Variants in TBC1D5 observed in about 807,000 individuals in gnomAD.
TBC1D5 encodes the protein TBC1 domain family member 5, also known as TBC1 domain family, member 5.
TBC1D5 carries 75 observed loss-of-function variants against 100.3 expected under a neutral mutation model. The observed-to-expected ratio is 0.75, with a 90% confidence interval of 0.62 to 0.91. The LOEUF is 0.91. Ranked by LOEUF, TBC1D5 falls within the 40% of genes least tolerant of loss-of-function variation. The pLI, the probability that TBC1D5 is intolerant of heterozygous loss-of-function variation, is 0.00. For missense variants in TBC1D5, 910 were observed against 942.4 expected, an observed-to-expected ratio of 0.97 and a Z score of 0.45; for synonymous variants, 323 against 325.6, an observed-to-expected ratio of 0.99 and a Z score of 0.09.
intron 13 of TBC1D5, among the ~76,000 whole-genome samples, chr3:17,358,871 T>C (rs2091461275): frequency 6.6e-6 from 1 of 151,910 alleles, no homozygotes; most frequent in African/African-American, 2.4e-5. Context: ...GTATAAAAAA[T>C]CTATAAAAAA....
At chr3:17,708,345 CATTTT>C (rs2074383160) in intron 1 of TBC1D5, among the ~76,000 whole-genome samples, 1 of 152,182 alleles carries the variant, frequency 6.6e-6, no homozygotes, top group Non-Finnish European at 1.5e-5. Context: ...ATGCATAGCA[CATTTT>C]ATTTATCCAT....
At chr3:17,525,248 GC>G (rs1214741906) in intron 2 of TBC1D5, among the ~76,000 whole-genome samples, 2 of 152,002 alleles carry the variant, frequency 1.3e-5, no homozygotes, top group Non-Finnish European at 2.9e-5. Context: ...TCCTGCCTCA[GC>G]CTCCCAAGTA....
chr3:17,222,193 A>G (rs751227775), intron 17 of TBC1D5, among the ~76,000 whole-genome samples: 9 of 152,004 alleles, frequency 5.9e-5, no homozygotes, highest in Non-Finnish European at 1.0e-4. Flanking sequence ...CCTGAGTTGT[A>G]TGTTTAGATA....
At chr3:17,611,687 G>T (rs956447971) in intron 2 of TBC1D5, among the ~76,000 whole-genome samples, 8 of 152,154 alleles carry the variant, frequency 5.3e-5, no homozygotes, top group Non-Finnish European at 1.0e-4. Context: ...AGAGTGGAGT[G>T]CTATCCTATA....
chr3:17,455,338 ATG>A (rs1181033850), intron 3 of TBC1D5, among the ~76,000 whole-genome samples: 4 of 144,522 alleles, frequency 2.8e-5, no homozygotes, highest in African/African-American at 1.0e-4. Flanking sequence ...ATATATGTAT[ATG>A]TATATATGTA....
At chr3:17,260,784 GAAAAT>G (rs939285911) in intron 15 of TBC1D5, among the ~76,000 whole-genome samples, 1 of 152,008 alleles carries the variant, frequency 6.6e-6, no homozygotes, top group Non-Finnish European at 1.5e-5. Flanking sequence ...ATTTAAAAAA[GAAAAT>G]AAAAAGGAAA....
intron 4 of TBC1D5, 128 bp downstream of exon 4, chr3:17,428,322 G>C (rs1179804290): frequency 3.8e-6 from 1 of 264,266 alleles, no homozygotes; most frequent in Non-Finnish European, 7.0e-6. Context: ...TAAAACACAA[G>C]TAGTGGTTCC....
At chr3:17,250,387 G>C (rs961749143) in intron 16 of TBC1D5, among the ~76,000 whole-genome samples, 4 of 152,108 alleles carry the variant, frequency 2.6e-5, no homozygotes, top group Non-Finnish European at 4.4e-5. Context: ...CCACCATTCA[G>C]AGCCCTTTGG....
intron 13 of TBC1D5, among the ~76,000 whole-genome samples, chr3:17,363,845 T>C (rs2091917030): frequency 6.6e-6 from 1 of 152,024 alleles, no homozygotes; most frequent in Non-Finnish European, 1.5e-5. Flanking sequence ...TTTAGGACTC[T>C]ATATATAAAA....
At chr3:17,214,769 A>G (rs2073423037) in intron 17 of TBC1D5, among the ~76,000 whole-genome samples, 1 of 152,180 alleles carries the variant, frequency 6.6e-6, no homozygotes, top group Non-Finnish European at 1.5e-5. Context: ...GCAAGATTAA[A>G]AAATCCAAAT....
intron 3 of TBC1D5, among the ~76,000 whole-genome samples, chr3:17,442,812 G>A (rs1003752279): frequency 1.3e-5 from 2 of 152,092 alleles, no homozygotes; most frequent in African/African-American, 2.4e-5. Context: ...CAGAAACTGT[G>A]GTCTGAACTT....
intron 18 of TBC1D5, among the ~76,000 whole-genome samples, chr3:17,188,030 C>T (rs1000904618): frequency 6.6e-5 from 10 of 152,220 alleles, no homozygotes; most frequent in Non-Finnish European, 1.3e-4. Context: ...GTAGGAAGAA[C>T]TTAGAAGACA....
intron 3 of TBC1D5, among the ~76,000 whole-genome samples, chr3:17,500,056 T>A (rs1349255480): frequency 6.7e-6 from 1 of 149,566 alleles, no homozygotes; most frequent in Non-Finnish European, 1.5e-5. Context: ...TGCTCAGCAG[T>A]GAGGTTTCAT....
intron 8 of TBC1D5, among the ~76,000 whole-genome samples, chr3:17,388,887 C>CAA (rs979013577): frequency 6.6e-6 from 1 of 150,770 alleles, no homozygotes. Flanking sequence ...AACAAAGAAA[C>CAA]AAAAAAAATA....
intron 1 of TBC1D5, among the ~76,000 whole-genome samples, chr3:17,712,738 T>C (rs2074861330): frequency 6.6e-6 from 1 of 151,958 alleles, no homozygotes; most frequent in African/African-American, 2.4e-5. Flanking sequence ...TCTAGAACAA[T>C]AACCAGTGAA....
chr3:17,523,684 A>G (rs1399410343), intron 2 of TBC1D5, among the ~76,000 whole-genome samples: 1 of 152,204 alleles, frequency 6.6e-6, no homozygotes, highest in Non-Finnish European at 1.5e-5. Context: ...TATCGTATGA[A>G]ATGCAAATTA....
intron 15 of TBC1D5, among the ~76,000 whole-genome samples, chr3:17,282,999 G>A (rs535828561): frequency 8.5e-5 from 13 of 152,326 alleles, no homozygotes; most frequent in African/African-American, 3.1e-4. Flanking sequence ...ATAAAGAACG[G>A]CCAGGCCCTG....
At chr3:17,285,559 C>T (rs1172402299) in intron 15 of TBC1D5, among the ~76,000 whole-genome samples, 1 of 151,968 alleles carries the variant, frequency 6.6e-6, no homozygotes, top group Non-Finnish European at 1.5e-5. Flanking sequence ...CGCGCCCGGC[C>T]GGATTTTAGA....
intron 13 of TBC1D5, among the ~76,000 whole-genome samples, chr3:17,316,563 G>C (rs780345502): frequency 2.0e-4 from 30 of 152,196 alleles, no homozygotes; most frequent in Non-Finnish European, 3.5e-4. Flanking sequence ...ATCATGGAAA[G>C]TTATATTCTA....
Sources: allele counts gnomAD v4.1 joint callset (sites outside exome capture counted in the v4.1 genomes callset), GRCh38; gene constraint gnomAD v4.1.1; transcripts MANE v1.5; gene names NCBI Gene and HGNC (gene_info 2026-07-23, HGNC 2026-07-21).